FKBP15: variants seen among roughly 807,000 people sequenced by gnomAD.
FKBP15 encodes FK506-binding protein 15.
Under a neutral mutation model 158.1 loss-of-function variants are expected in FKBP15, and 106 were observed. The ratio of observed to expected loss-of-function variants is 0.67; its 90% CI spans 0.57 to 0.79. The LOEUF (loss-of-function observed/expected upper bound fraction) is 0.79, where lower values mean the gene tolerates loss of function less well. Among genes scored for constraint, FKBP15 ranks in the 30% least tolerant of loss-of-function variants. The probability of loss-of-function intolerance (pLI) is 0.00; values close to 1 mark genes in which losing one functional copy is unlikely to be tolerated. For synonymous variants in FKBP15, 547 were observed against 548.6 expected (o/e 1.00, Z 0.04); for missense variants, 1,287 against 1,479.1 (o/e 0.87, Z 2.13).
At chr9:113,215,554 ATGTG>A (rs976439603) in intron 1 of FKBP15, among the ~76,000 whole-genome samples, 3 of 149,490 alleles carry the variant, frequency 2.0e-5, no homozygotes, top group African/African-American at 7.4e-5. Flanking sequence ...CAGAGGATAT[ATGTG>A]TGTGTATATA....
intron 1 of FKBP15, among the ~76,000 whole-genome samples, chr9:113,213,653 G>A (rs991201884): frequency 2.6e-5 from 4 of 151,852 alleles, no homozygotes; most frequent in Non-Finnish European, 5.9e-5. Flanking sequence ...TATAAGAAGA[G>A]GAAGAAAGAT....
intron 2 of FKBP15, among the ~76,000 whole-genome samples, chr9:113,210,895 T>C (rs1202388397): frequency 6.6e-6 from 1 of 152,220 alleles, no homozygotes; most frequent in Non-Finnish European, 1.5e-5. Context: ...TTTTGGACTC[T>C]TGGACTTACA....
Position 113,188,499 on chromosome 9 carries a change from A to G in FKBP15, c.1174-8T>C, listed in dbSNP as rs561500859. ...TTGCAGAGTGTTCACATCCTGAAAC[A>G]GGAACAAGCGTTTGGGTTACTCTGT... On this transcript the variant is annotated splice_polypyrimidine_tract_variant and splice_region_variant and intron_variant, in intron 12 of 27. Coordinates refer to ENST00000238256, the MANE Select transcript of FKBP15 (RefSeq NM_015258.2). 3 of 1,612,044 alleles carry G rather than the reference A, an allele frequency of 1.9e-6. No homozygotes were observed. The South Asian group carries it at 3.3e-5, about 18-fold the overall frequency.
Position 113,169,624 on chromosome 9 carries a change from G to A in FKBP15, c.3085C>T (p.Leu1029=). 1 of 1,614,042 alleles carries A rather than the reference G, an allele frequency of 6.2e-7. No homozygotes were observed. The highest frequency in any genetic ancestry group is 8.5e-7 in the Non-Finnish European group (1 of 1,179,900). The part of the protein sequence containing the change: ...EIKDGSLPPE[L]SCIPSHRVLG... ...ACTCTGTGGGATGGGATGCAAGACAGTTCGGGTGGAAGGGAACCATCTTTT... is the reference window on the plus strand; with the variant it reads ...ACTCTGTGGGATGGGATGCAAGACAATTCGGGTGGAAGGGAACCATCTTTT... Residue 1029 remains leucine, a synonymous_variant, in exon 26 of 28, where the codon CTG becomes TTG. Coordinates refer to ENST00000238256, the MANE Select transcript of FKBP15 (RefSeq NM_015258.2).
Position 113,164,453 on chromosome 9 carries a change from T to A in FKBP15, c.*1625A>T, listed in dbSNP as rs1422839247. On this transcript the variant is annotated 3_prime_UTR_variant, in exon 28 of 28. Transcript: ENST00000238256. ...CTTTAAGCACCTGTGTTGGCACAAT[T>A]ACTCAGCATCTTCTCTCCCTGCGGG... 6.6e-6 allele frequency: 1 copy of A among 152,250 alleles called. No homozygotes were observed. Among genetic ancestry groups the A allele is most frequent in the Non-Finnish European group, 1.5e-5 (1 of 68,034 alleles). The allele number at this position is 152,250 out of a possible 1,614,324, so 9.4% of individuals were successfully genotyped here.
At chr9:113,191,317 C>T (rs990081213) in intron 11 of FKBP15, among the ~76,000 whole-genome samples, 1 of 151,834 alleles carries the variant, frequency 6.6e-6, no homozygotes, top group Admixed American at 6.6e-5. Flanking sequence ...GGACCACAGG[C>T]GCTAATTTTT....
chr9:113,169,019 A>G (rs1830151953), intron 26 of FKBP15, among the ~76,000 whole-genome samples: 1 of 151,518 alleles, frequency 6.6e-6, no homozygotes, highest in Non-Finnish European at 1.5e-5. Flanking sequence ...AGGGCCCGCC[A>G]CACTACCACA....
Position 113,162,800 on chromosome 9 carries a change from C to T in FKBP15, c.*3278G>A, listed in dbSNP as rs1185294358. 6.8e-6 allele frequency: 11 copies of T among 1,613,794 alleles called. No homozygotes were observed. The highest frequency in any genetic ancestry group is 9.3e-6 in the Non-Finnish European group (11 of 1,179,872). On this transcript the variant is annotated 3_prime_UTR_variant, in exon 28 of 28. Transcript: ENST00000238256. Reference sequence around the variant, plus strand: ...CTCTAATCCATGTCATCCAGGTGGTCATCGGCTACTTCATCATGCTGGCCG... The same window carrying T: ...CTCTAATCCATGTCATCCAGGTGGTTATCGGCTACTTCATCATGCTGGCCG...
intron 24 of FKBP15, among the ~76,000 whole-genome samples, chr9:113,171,113 C>G (rs551374615): frequency 1.3e-5 from 2 of 152,314 alleles, no homozygotes; most frequent in South Asian, 4.1e-4. Flanking sequence ...TCCCACTAGG[C>G]TGTAAGCTCC....
intron 4 of FKBP15, among the ~76,000 whole-genome samples, chr9:113,204,278 C>A (rs1200606025): frequency 6.6e-6 from 1 of 152,230 alleles, no homozygotes; most frequent in Non-Finnish European, 1.5e-5. Context: ...CGGGGTTTCT[C>A]CATGTTGGTC....
At chr9:113,202,467 C>A in intron 6 of FKBP15, 64 bp downstream of exon 6, 2 of 1,276,328 alleles carry the variant, frequency 1.6e-6, no homozygotes, top group Non-Finnish European at 1.1e-6. Flanking sequence ...ATATGTTTCC[C>A]TAAAATTAAG....
rs768619664 is a variant in FKBP15 at position 113,174,550 on chromosome 9, C to T, written c.2257G>A (p.Glu753Lys). 6.2e-7 allele frequency: 1 copy of T among 1,613,996 alleles called. No homozygotes were observed. The highest frequency in any genetic ancestry group is 1.7e-5 in the Admixed American group (1 of 60,030). Residue 753 changes from glutamate to lysine, a missense_variant, in exon 22 of 28, where the codon GAG (glutamate) becomes AAG (lysine). Coordinates refer to ENST00000238256, the MANE Select transcript of FKBP15 (RefSeq NM_015258.2). ...LSERKKKSAQ[E>K]RSQAEEEIDE... ...ATCTCCTCCTCGGCCTGAGAACGCT[C>T]TTGAGCTGACTTCTTTTTCCTTTCT...
intron 1 of FKBP15, among the ~76,000 whole-genome samples, chr9:113,219,907 C>G (rs971321913): frequency 6.6e-6 from 1 of 152,104 alleles, no homozygotes; most frequent in African/African-American, 2.4e-5. Flanking sequence ...GAATGCAGGC[C>G]ATCTAAAGAC....
chr9:113,201,042 CAAAA>C (rs11339384), intron 6 of FKBP15, among the ~76,000 whole-genome samples: 2 of 96,286 alleles, frequency 2.1e-5, no homozygotes, highest in African/African-American at 4.1e-5. Flanking sequence ...GACTCTGTCT[CAAAA>C]AAAAAAAAAA....
Position 113,162,919 on chromosome 9 carries a change from T to C in FKBP15, c.*3159A>G, listed in dbSNP as rs1055494780. On this transcript the variant is annotated 3_prime_UTR_variant, in exon 28 of 28. Coordinates refer to ENST00000238256, the MANE Select transcript of FKBP15 (RefSeq NM_015258.2). ...TACCCACTTCTCAGCACAGCTTAGC[T>C]GGTGAGGAACGTGCAGGCACTGAGG... 6.2e-7 allele frequency: 1 copy of C among 1,604,132 alleles called. No homozygotes were observed. The highest frequency in any genetic ancestry group is 8.5e-7 in the Non-Finnish European group (1 of 1,175,652).
intron 4 of FKBP15, among the ~76,000 whole-genome samples, chr9:113,204,085 AT>A (rs140328186): frequency 0.23 from 34,760 of 150,650 alleles, 4,723 homozygotes; most frequent in African/African-American, 0.36. Flanking sequence ...TCTCCACGTC[AT>A]TTTTTTTTGA....
In FKBP15 at chr9:113,198,040, A is replaced by G. The variant is rs572546048; in HGVS notation, c.717+815T>C. On this transcript the variant is annotated intron_variant, in intron 8 of 27. Transcript: ENST00000238256. The surrounding 1 kb of genome is among the most constrained non-coding windows in gnomAD (Gnocchi z 5.2). Reference sequence around the variant, plus strand: ...ATGTCCTGACACCATAATATACCACATGTGTAAAACATTCTTTATTTTATA... The same window carrying G: ...ATGTCCTGACACCATAATATACCACGTGTGTAAAACATTCTTTATTTTATA... Among the ~76,000 whole-genome samples the G allele has an allele frequency of 6.6e-6, 1 of 152,346 alleles. No homozygotes were observed. Among genetic ancestry groups the G allele is most frequent in the African/African-American group, 2.4e-5 (1 of 41,584 alleles).
intron 4 of FKBP15, among the ~76,000 whole-genome samples, chr9:113,204,282 G>C (rs1307782409): frequency 6.6e-6 from 1 of 152,198 alleles, no homozygotes; most frequent in Non-Finnish European, 1.5e-5. Flanking sequence ...GTTTCTCCAT[G>C]TTGGTCAGGC....
rs1365565973 is a variant in FKBP15, at chr9:113,162,667, C to T, written c.*3411G>A. 1 of 1,326,720 alleles carries T rather than the reference C, an allele frequency of 7.5e-7. No individual in the cohort carries two copies. The highest frequency in any genetic ancestry group is 1.5e-5 in the African/African-American group (1 of 68,296). The allele number at this position is 1,326,720 out of a possible 1,614,324, so 82.2% of individuals were successfully genotyped here. A position where few individuals can be genotyped will look rare whatever the true frequency, so the allele number is the denominator to read the frequency against. The stretch of plus-strand genomic sequence containing the variant: ...TCAATCGGGTCACGTAACTCAACAG[C>T]TTTCTACTCCCTGATATCTACTCCC... On this transcript the variant is annotated 3_prime_UTR_variant, in exon 28 of 28. Coordinates refer to ENST00000238256, the MANE Select transcript of FKBP15 (RefSeq NM_015258.2).
Sources: gnomAD v4.1 joint callset for allele counts (sites outside exome capture counted in the v4.1 genomes callset) on GRCh38, gnomAD v4.1.1 for gene constraint, Gnocchi (gnomAD v3.1) non-coding constraint, MANE v1.5 for transcripts, NCBI Gene and HGNC (gene_info 2026-07-23, HGNC 2026-07-21) for gene names.